The following CNOT2 variants were observed in gnomAD, a reference collection of about 807,000 sequenced individuals.
The protein encoded by CNOT2 is CCR4-NOT transcription complex subunit 2.
CNOT2 carries 7 observed loss-of-function variants against 72.1 expected under a neutral mutation model. The observed-to-expected ratio is 0.10, with a 90% CI of 0.06 to 0.18. CNOT2 has a LOEUF of 0.18. Among genes scored for constraint, CNOT2 ranks in the 10% least tolerant of loss-of-function variants. The pLI is 1.00. For synonymous variants in CNOT2, 196 were observed against 225.6 expected, an observed-to-expected ratio of 0.87 and a Z score of 1.17; for missense variants, 345 against 660.3, an observed-to-expected ratio of 0.52 and a Z score of 5.23.
At chr12:70,332,885 G>A (rs1880159153) in intron 7 of CNOT2, 39 bp downstream of exon 7, 1 of 1,539,532 alleles carries the variant, frequency 6.5e-7, no homozygotes, top group South Asian at 1.3e-5. Flanking sequence ...CAAAAAGTAT[G>A]ATAGATTTAT....
intron 2 of CNOT2, among the ~76,000 whole-genome samples, chr12:70,297,343 AACTCTGT>A (rs1872984901): frequency 1.3e-5 from 2 of 152,148 alleles, no homozygotes; most frequent in Non-Finnish European, 2.9e-5. Context: ...GCAGACTACA[AACTCTGT>A]AGCTGGGAGT....
At chr12:70,343,996 G>A (rs1881842003) in intron 13 of CNOT2, 132 bp from the exon 14 acceptor site, 2 of 551,738 alleles carry the variant, frequency 3.6e-6, no homozygotes, top group Admixed American at 3.5e-5. Context: ...GTGTAATCAT[G>A]TAATAACAGT....
At chr12:70,283,968 C>T (rs1348986928) in intron 2 of CNOT2, among the ~76,000 whole-genome samples, 1 of 126,240 alleles carries the variant, frequency 7.9e-6, no homozygotes, top group Non-Finnish European at 1.6e-5. Flanking sequence ...TGGAGTTTCG[C>T]TCTTGTTGCC....
chr12:70,315,881 C>A (rs1045621939), intron 3 of CNOT2, among the ~76,000 whole-genome samples: 2 of 152,014 alleles, frequency 1.3e-5, no homozygotes, highest in African/African-American at 4.8e-5. Flanking sequence ...TTCTTTAGCC[C>A]CTTGGGCAAA....
chr12:70,278,541 G>C, intron 2 of CNOT2: 1 of 387,124 alleles, frequency 2.6e-6, no homozygotes, highest in East Asian at 4.7e-5. Context: ...TGATATACAA[G>C]TTATGACTTC....
At chr12:70,278,371 A>G (rs1869219340) in intron 2 of CNOT2, 97 bp downstream of exon 2, 1 of 776,046 alleles carries the variant, frequency 1.3e-6, no homozygotes, top group Non-Finnish European at 2.1e-6. Context: ...CAAATTGGTT[A>G]CACCTCAATT....
At chr12:70,316,565 G>A (rs1593216158) in intron 3 of CNOT2, among the ~76,000 whole-genome samples, 2 of 152,290 alleles carry the variant, frequency 1.3e-5, no homozygotes, top group East Asian at 3.9e-4. Context: ...CTGTATAGCT[G>A]ATCGATGCTT....
At chr12:70,293,161 CTTTTTT>C (rs201732291) in intron 2 of CNOT2, among the ~76,000 whole-genome samples, 1 of 136,298 alleles carries the variant, frequency 7.3e-6, no homozygotes. Context: ...GATTTCATAT[CTTTTTT>C]TTTTTTTTTT....
intron 3 of CNOT2, among the ~76,000 whole-genome samples, chr12:70,311,757 G>A (rs1876503010): frequency 6.6e-6 from 1 of 151,862 alleles, no homozygotes; most frequent in African/African-American, 2.4e-5. Context: ...CACCTGCCCA[G>A]CTTTTTTTAC....
intron 2 of CNOT2, among the ~76,000 whole-genome samples, chr12:70,303,545 C>T (rs1874539816): frequency 6.6e-6 from 1 of 152,094 alleles, no homozygotes; most frequent in African/African-American, 2.4e-5. Context: ...AATATTGGTC[C>T]CCACTCTCTT....
intron 2 of CNOT2, among the ~76,000 whole-genome samples, chr12:70,284,954 TAAG>T (rs1273480558): frequency 1.3e-5 from 2 of 152,216 alleles, no homozygotes; most frequent in Non-Finnish European, 2.9e-5. Context: ...CTGTATTTCC[TAAG>T]AAGATATAAA....
intron 11 of CNOT2, among the ~76,000 whole-genome samples, chr12:70,341,215 G>A (rs1881464080): frequency 6.6e-6 from 1 of 151,998 alleles, no homozygotes; most frequent in African/African-American, 2.4e-5. Context: ...AGGCCTGCAA[G>A]GTCTTACATG....
intron 10 of CNOT2, 50 bp downstream of exon 10, chr12:70,338,613 C>A (rs375342791): frequency 1.4e-5 from 23 of 1,589,280 alleles, no homozygotes; most frequent in Middle Eastern, 1.7e-4. Flanking sequence ...GCTTTTTTTT[C>A]TATTTTTTAA....
At chr12:70,288,136 CTTT>C (rs68143994) in intron 2 of CNOT2, among the ~76,000 whole-genome samples, 2 of 86,668 alleles carry the variant, frequency 2.3e-5, no homozygotes, top group African/African-American at 4.3e-5. Context: ...TGGTGTAGCT[CTTT>C]TTTTTTTTTT....
intron 2 of CNOT2, among the ~76,000 whole-genome samples, chr12:70,299,177 A>G (rs1212200517): frequency 4.1e-5 from 6 of 145,244 alleles, no homozygotes; most frequent in Non-Finnish European, 7.7e-5. Flanking sequence ...GTGCAGGGGA[A>G]CCCCCCTGTA....
In CNOT2 at chr12:70,308,555, T is replaced by TTCTTTCTCTCTCTC. The variant is rs1555199527; in HGVS notation, c.49-2337_49-2336insTTCTCTCTCTCTCT. Reference sequence around the variant, plus strand: ...AAATTAAGCTTAAGTTTGGTATATTTTCTCTCTCTCTCTCTCTCTCTCTCT... The same window carrying TTCTTTCTCTCTCTC: ...AAATTAAGCTTAAGTTTGGTATATTTTCTTTCTCTCTCTCTCTCTCTCTCTCTCTCTCTCTCTCT... On this transcript the variant is annotated intron_variant, in intron 2 of 15. Transcript: ENST00000229195. 7.9e-4 allele frequency among the ~76,000 whole-genome samples: 106 copies of TTCTTTCTCTCTCTC among 134,274 alleles called. No homozygotes were observed. The East Asian group carries it at 0.011, about 14-fold the overall frequency. The allele number at this position is 134,274 out of a possible 152,430, so 88.1% of individuals were successfully genotyped here.
rs576508536 is a variant in CNOT2 at position 70,281,525 on chromosome 12, C to A, written c.48+3251C>A. Reference sequence around the variant, plus strand: ...TAGTAGATTTTCCCATTTAATAATACAACACTGCTTTTAATCTCCCTGCCA... The same window carrying A: ...TAGTAGATTTTCCCATTTAATAATAAAACACTGCTTTTAATCTCCCTGCCA... On this transcript the variant is annotated intron_variant, in intron 2 of 15. Transcript: ENST00000229195. Among the ~76,000 whole-genome samples, 6 of 152,280 alleles carry A rather than the reference C, an allele frequency of 3.9e-5. No individual in the cohort carries two copies. The East Asian group carries it at 1.2e-3, about 29-fold the overall frequency.
At chr12:70,319,115 T>G in intron 3 of CNOT2, 183 bp from the exon 4 acceptor site, 1 of 445,246 alleles carries the variant, frequency 2.2e-6, no homozygotes, top group Non-Finnish European at 3.9e-6. Flanking sequence ...TTTGGTTTTA[T>G]CGAATTGTGA....
intron 1 of CNOT2, among the ~76,000 whole-genome samples, chr12:70,258,825 T>C (rs1958588554): frequency 6.6e-6 from 1 of 152,146 alleles, no homozygotes; most frequent in Non-Finnish European, 1.5e-5. Flanking sequence ...AGAAAGGGCT[T>C]TCAGGAAGGG....
Sources: allele counts gnomAD v4.1 joint callset (sites outside exome capture counted in the v4.1 genomes callset), GRCh38; gene constraint gnomAD v4.1.1; transcripts MANE v1.5; gene names NCBI Gene and HGNC (gene_info 2026-07-23, HGNC 2026-07-21).